The following FAM234A variants were observed in gnomAD, a reference collection of about 807,000 sequenced individuals.
The protein encoded by FAM234A is family with sequence similarity 234 member A, also known as protein FAM234A.
Under a neutral mutation model 49.1 loss-of-function variants are expected in FAM234A, and 42 were observed. The observed-to-expected ratio is 0.86, with a 90% CI of 0.67 to 1.11. The LOEUF is 1.11. Ranked by LOEUF, FAM234A falls within the 50% of genes least tolerant of loss-of-function variation. The probability of loss-of-function intolerance (pLI) is 0.00; values close to 1 mark genes in which losing one functional copy is unlikely to be tolerated. For synonymous variants in FAM234A, 369 were observed against 316.2 expected, an observed-to-expected ratio of 1.17 and a Z score of -1.77; for missense variants, 815 against 745.2, an observed-to-expected ratio of 1.09 and a Z score of -1.09.
chr16:264,479 C>A (rs1159664301), intron 11 of FAM234A, 135 bp from the exon 12 acceptor site: 5 of 742,170 alleles, frequency 6.7e-6, no homozygotes, highest in Non-Finnish European at 1.1e-5. Flanking sequence ...GGCCACAGAA[C>A]TGGGGGCTGG....
rs1555459429 is a variant in FAM234A at position 236,905 on chromosome 16, AAAAAT to A, written c.-140+2062_-140+2066del. On this transcript the variant is annotated intron_variant, in intron 1 of 12. Transcript: ENST00000399932. The stretch of plus-strand genomic sequence containing the variant: ...CTGGGCCACAGCGAGACTGTCTCAA[AAAAAT>A]AAAATAAAATAAATAAATAAATTAT... Among the ~76,000 whole-genome samples, 18 of 53,634 alleles carry A rather than the reference AAAAAT, an allele frequency of 3.4e-4. 3 individuals carry two copies. Among genetic ancestry groups the A allele is most frequent in the Admixed American group, 1.2e-3 (6 of 5,096 alleles). 35.2% of individuals were successfully genotyped at this position (53,634 alleles called of 152,430 possible). A position where few individuals can be genotyped will look rare whatever the true frequency, so the allele number is the denominator to read the frequency against.
chr16:238,122 G>A (rs1339027094), intron 1 of FAM234A, among the ~76,000 whole-genome samples: 3 of 152,010 alleles, frequency 2.0e-5, no homozygotes, highest in Admixed American at 6.6e-5. Context: ...AGGTTCAAGC[G>A]ATTCTCCTGC....
At chr16:242,403 G>A (rs2050648562) in intron 1 of FAM234A, among the ~76,000 whole-genome samples, 2 of 151,942 alleles carry the variant, frequency 1.3e-5, no homozygotes, top group African/African-American at 4.8e-5. Context: ...TAGTAGAGTC[G>A]GGGTTTCACC....
downstream of FAM234A, chr16:269,858 T>A: frequency 2.5e-6 from 1 of 406,910 alleles, no homozygotes; most frequent in Non-Finnish European, 4.4e-6. Context: ...TCCTCAGCCA[T>A]TAGCGGGAAC....
At chr16:255,192 G>GT (rs1407434276) in intron 3 of FAM234A, among the ~76,000 whole-genome samples, 1 of 152,090 alleles carries the variant, frequency 6.6e-6, no homozygotes, top group African/African-American at 2.4e-5. Context: ...GTTTTACCAT[G>GT]TTAGCCAGGC....
intron 1 of FAM234A, chr16:248,383 A>G (rs1873690031): frequency 6.6e-6 from 1 of 152,072 alleles, no homozygotes; most frequent in South Asian, 2.1e-4. Context: ...ATGACAAATC[A>G]TGCTGTAGAG....
At chr16:255,960 G>A (rs1405090242) in intron 3 of FAM234A, among the ~76,000 whole-genome samples, 1 of 152,224 alleles carries the variant, frequency 6.6e-6, no homozygotes, top group African/African-American at 2.4e-5. Flanking sequence ...CACCGCGCCC[G>A]GCCTCTAGAC....
At chr16:264,773 C>T (rs1220205752) in intron 12 of FAM234A, 38 bp from the exon 13 acceptor site, 1 of 1,606,576 alleles carries the variant, frequency 6.2e-7, no homozygotes, top group African/African-American at 1.3e-5. Context: ...CCTGGCTGGT[C>T]CTGAGCCGCC....
chr16:269,078 C>A, downstream of FAM234A: 1 of 985,144 alleles, frequency 1.0e-6, no homozygotes, highest in Non-Finnish European at 1.6e-6. Flanking sequence ...GGACCCATTC[C>A]TTCTGGGCAG....
chr16:262,910 C>G (rs1168302890), intron 8 of FAM234A, among the ~76,000 whole-genome samples: 2 of 151,154 alleles, frequency 1.3e-5, no homozygotes, highest in Non-Finnish European at 2.9e-5. Flanking sequence ...ACCTCCGCCT[C>G]CCGGGTTCAA....
intron 3 of FAM234A, among the ~76,000 whole-genome samples, chr16:255,877 G>A (rs1326718101): frequency 6.6e-6 from 1 of 152,172 alleles, no homozygotes; most frequent in Non-Finnish European, 1.5e-5. Flanking sequence ...TGGTCAGGCT[G>A]GTCTCAAACT....
intron 1 of FAM234A, among the ~76,000 whole-genome samples, chr16:237,922 T>C (rs2050459167): frequency 6.6e-6 from 1 of 152,084 alleles, no homozygotes; most frequent in Non-Finnish European, 1.5e-5. Flanking sequence ...TGGGCTCGTC[T>C]CAAACTCCTG....
intron 1 of FAM234A, among the ~76,000 whole-genome samples, chr16:248,003 A>G (rs548181697): frequency 6.6e-6 from 1 of 152,030 alleles, no homozygotes; most frequent in Non-Finnish European, 1.5e-5. Flanking sequence ...GTGGGTGCTC[A>G]TCTGGTTAAG....
chr16:254,056 G>T, intron 2 of FAM234A: 1 of 292,968 alleles, frequency 3.4e-6, no homozygotes, highest in Non-Finnish European at 6.5e-6. Context: ...AGTAGGTGGG[G>T]CTTAGTTAAC....
At chr16:261,249 C>G (rs2051452443) in intron 5 of FAM234A, 135 bp from the exon 6 acceptor site, 1 of 1,024,572 alleles carries the variant, frequency 9.8e-7, no homozygotes, top group Admixed American at 2.1e-5. Context: ...GGCATCTGCT[C>G]TGAGTGTGCA....
chr16:237,078 TA>T (rs199754290), intron 1 of FAM234A, among the ~76,000 whole-genome samples: 1 of 151,360 alleles, frequency 6.6e-6, no homozygotes, highest in South Asian at 2.1e-4. Flanking sequence ...TGTATTTTTT[TA>T]AAAAAATATG....
At chr16:267,207 CCA>C (rs1049789222), downstream of FAM234A, among the ~76,000 whole-genome samples, 1 of 152,086 alleles carries the variant, frequency 6.6e-6, no homozygotes, top group Non-Finnish European at 1.5e-5. Flanking sequence ...CTGCCCCTCC[CCA>C]GAGGCTTCCT....
At chr16:258,502 AG>A (rs2051328436) in intron 3 of FAM234A, among the ~76,000 whole-genome samples, 1 of 80,204 alleles carries the variant, frequency 1.2e-5, no homozygotes, top group African/African-American at 1.1e-4. Flanking sequence ...ATCCCAAGGC[AG>A]AAGAAGTTTT....
In FAM234A at chr16:249,894, G is replaced by A. The variant is rs1453359930; in HGVS notation, c.-34+240G>A. 8.8e-4 allele frequency among the ~76,000 whole-genome samples: 133 copies of A among 151,970 alleles called. 1 individual carries two copies. Among genetic ancestry groups the A allele is most frequent in the Non-Finnish European group, 1.5e-4 (10 of 67,990 alleles). Reference sequence around the variant, plus strand: ...ATTATAACATTCTGGTTCTTACTCCGTTTTTTTCTTTCCTTTGCCAAAGGA... The same window carrying A: ...ATTATAACATTCTGGTTCTTACTCCATTTTTTTCTTTCCTTTGCCAAAGGA... On this transcript the variant is annotated intron_variant, in intron 2 of 12. Transcript: ENST00000399932.
Sources: gnomAD v4.1 joint callset for allele counts (sites outside exome capture counted in the v4.1 genomes callset) on GRCh38, gnomAD v4.1.1 for gene constraint, MANE v1.5 for transcripts, NCBI Gene and HGNC (gene_info 2026-07-23, HGNC 2026-07-21) for gene names.